Variants in TTC39C observed in about 807,000 individuals in gnomAD.
TTC39C encodes tetratricopeptide repeat protein 39C.
TTC39C carries 33 observed loss-of-function variants against 76.3 expected under a neutral mutation model. The ratio of observed to expected loss-of-function variants is 0.43; its 90% CI spans 0.33 to 0.58. TTC39C has a LOEUF of 0.58. Ranked by LOEUF, TTC39C falls within the 20% of genes least tolerant of loss-of-function variation. The pLI, the probability that TTC39C is intolerant of heterozygous loss-of-function variation, is 0.04. For missense variants in TTC39C, 595 were observed against 701.4 expected (o/e 0.85, Z 1.71); for synonymous variants, 254 against 260.6 (o/e 0.97, Z 0.24).
chr18:24,110,887 C>T (rs1164627365), intron 6 of TTC39C, among the ~76,000 whole-genome samples: 1 of 152,196 alleles, frequency 6.6e-6, no homozygotes, highest in African/African-American at 2.4e-5. Flanking sequence ...TTTTGTGACA[C>T]AGTGTGTCCA....
Position 24,114,093 on chromosome 18 carries a change from G to A in TTC39C, c.985-461G>A, listed in dbSNP as rs955857879. 3 of 265,606 alleles carry A rather than the reference G, an allele frequency of 1.1e-5. No individual in the cohort carries two copies. In the South Asian group the frequency reaches 1.3e-4, roughly 12 times the overall value. The allele number at this position is 265,606 out of a possible 1,614,324, so 16.5% of individuals were successfully genotyped here. On this transcript the variant is annotated intron_variant, in intron 6 of 13. Coordinates refer to ENST00000317571, the MANE Select transcript of TTC39C (RefSeq NM_001135993.2). ...AGAGACTTCTGGGCCAGGGCTGGGCGCACACGGGGATGAAATATGGTCCCT... is the reference window on the plus strand; with the variant it reads ...AGAGACTTCTGGGCCAGGGCTGGGCACACACGGGGATGAAATATGGTCCCT...
upstream of TTC39C, chr18:24,014,741 TCTCCCCTCCC>T (rs956931369): frequency 7.1e-6 from 8 of 1,132,748 alleles, no homozygotes; most frequent in African/African-American, 1.0e-4. Flanking sequence ...CCTCCCGTCT[TCTCCCCTCCC>T]CTCCCCTCCC....
At chr18:24,042,672 A>G (rs1395247471) in intron 1 of TTC39C, among the ~76,000 whole-genome samples, 1 of 152,198 alleles carries the variant, frequency 6.6e-6, no homozygotes, top group Non-Finnish European at 1.5e-5. Flanking sequence ...CTAGGGGTCA[A>G]TGATACTATA....
intron 1 of TTC39C, among the ~76,000 whole-genome samples, chr18:24,048,148 T>G (rs946241318): frequency 1.3e-5 from 2 of 152,212 alleles, no homozygotes; most frequent in African/African-American, 4.8e-5. Flanking sequence ...GTATGATTTT[T>G]GTGGTCTAAT....
At chr18:24,020,316 C>G (rs1162867170) in intron 1 of TTC39C, 2 of 991,350 alleles carry the variant, frequency 2.0e-6, no homozygotes, top group Admixed American at 1.2e-4. Context: ...TTTAAAATGC[C>G]ACTGCCTGTA....
chr18:24,019,991 C>A lies in TTC39C; in HGVS notation c.167+4953C>A, dbSNP rs896399579. The A allele has an allele frequency of 6.2e-6, 9 of 1,452,560 alleles. No homozygotes were observed. In the Admixed American group the frequency reaches 1.6e-4, roughly 25 times the overall value. 90.0% of individuals were successfully genotyped at this position (1,452,560 alleles called of 1,614,324 possible). On this transcript the variant is annotated intron_variant, in intron 1 of 13. Transcript: ENST00000317571. Reference sequence around the variant, plus strand: ...AAACCATGTCAGATTCTTGGGAGGACTGGAAGGACTTGCAGGCTGTCCATG... The same window carrying A: ...AAACCATGTCAGATTCTTGGGAGGAATGGAAGGACTTGCAGGCTGTCCATG...
At chr18:24,014,651 G>A, upstream of TTC39C, 1 of 556,562 alleles carries the variant, frequency 1.8e-6, no homozygotes, top group Non-Finnish European at 2.5e-6. Flanking sequence ...AATCCCCGCG[G>A]CGGCGGCCGG....
chr18:24,073,474 A>G (rs2084265723), intron 4 of TTC39C, among the ~76,000 whole-genome samples: 1 of 151,870 alleles, frequency 6.6e-6, no homozygotes, highest in Non-Finnish European at 1.5e-5. Context: ...TGCTTAATCA[A>G]GTGCAACCCA....
chr18:24,044,963 A>G (rs896733240), intron 1 of TTC39C, among the ~76,000 whole-genome samples: 1 of 151,920 alleles, frequency 6.6e-6, no homozygotes, highest in Non-Finnish European at 1.5e-5. Context: ...CCATTTAGGC[A>G]CTTGTTAGAA....
chr18:24,075,557 G>A (rs962478223), intron 4 of TTC39C, among the ~76,000 whole-genome samples: 9 of 151,828 alleles, frequency 5.9e-5, no homozygotes, highest in African/African-American at 2.2e-4. Context: ...GGTGGCGTGT[G>A]CCTGTAGTCC....
chr18:24,028,859 A>G (rs1915022610), intron 1 of TTC39C, among the ~76,000 whole-genome samples: 1 of 151,232 alleles, frequency 6.6e-6, no homozygotes, highest in Non-Finnish European at 1.5e-5. Flanking sequence ...AGTAGCTGGG[A>G]CTACAGGCAC....
intron 5 of TTC39C, among the ~76,000 whole-genome samples, chr18:24,082,015 GT>G (rs35218868): frequency 0.068 from 8,168 of 120,716 alleles, 167 homozygotes; most frequent in East Asian, 0.13. Context: ...TCTGGCTGTT[GT>G]TTTTTTTTTT....
chr18:24,028,353 TG>T (rs1485178848), intron 1 of TTC39C, among the ~76,000 whole-genome samples: 3 of 152,130 alleles, frequency 2.0e-5, no homozygotes, highest in Admixed American at 2.0e-4. Flanking sequence ...GGATCTGGGC[TG>T]GGCTTATAAG....
chr18:24,100,695 C>G (rs930603585), intron 6 of TTC39C, among the ~76,000 whole-genome samples: 2 of 152,260 alleles, frequency 1.3e-5, no homozygotes, highest in African/African-American at 4.8e-5. Flanking sequence ...TGGTTTCTAG[C>G]TTTGGCTCTG....
chr18:24,129,922 G>C (rs898335837), intron 11 of TTC39C, among the ~76,000 whole-genome samples: 1 of 152,058 alleles, frequency 6.6e-6, no homozygotes, highest in East Asian at 1.9e-4. Flanking sequence ...TAGATCAAAT[G>C]CTTATGTGCT....
At chr18:24,077,539 T>G (rs1437021378) in intron 4 of TTC39C, among the ~76,000 whole-genome samples, 1 of 152,194 alleles carries the variant, frequency 6.6e-6, no homozygotes, top group Non-Finnish European at 1.5e-5. Context: ...ATTTTTTCCT[T>G]TGTTTATTTT....
At position 24,035,308 on chromosome 18, in the gene TTC39C, G is replaced by A. The variant is rs191235519; in HGVS notation, c.167+20270G>A. Among the ~76,000 whole-genome samples, 5 of 152,288 alleles carry A rather than the reference G, an allele frequency of 3.3e-5. No homozygotes were observed. The East Asian group carries it at 5.8e-4, about 18-fold the overall frequency. On this transcript the variant is annotated intron_variant, in intron 1 of 13. Coordinates refer to ENST00000317571, the MANE Select transcript of TTC39C (RefSeq NM_001135993.2). ...CCACCTTGGCCTTCCAAAACACTGC[G>A]ATTACAAATGTGAGCCACTGTGCCC... is the stretch of plus-strand genomic sequence containing the variant.
At position 24,080,908 on chromosome 18, in the gene TTC39C, G is replaced by A. The variant is rs762192075; in HGVS notation, c.784G>A (p.Glu262Lys). 12 of 1,613,730 alleles carry A rather than the reference G, an allele frequency of 7.4e-6. No individual in the cohort carries two copies. In the Admixed American group the frequency reaches 1.0e-4, roughly 13 times the overall value. The part of the protein sequence containing the change: ...QGLSSLMYAS[E>K]SKDMKAPLAT... Reference sequence around the variant, plus strand: ...GCTTTCTTCACTGATGTATGCAAGCGAAAGTAAGGACATGAAGGCCCCTTT... The same window carrying A: ...GCTTTCTTCACTGATGTATGCAAGCAAAAGTAAGGACATGAAGGCCCCTTT... Residue 262 changes from glutamate to lysine, a missense_variant, in exon 5 of 14, where the codon GAA becomes AAA. By Grantham distance (56) the Glu-to-Lys change is moderately conservative (BLOSUM62 1). Coordinates refer to ENST00000317571, the MANE Select transcript of TTC39C (RefSeq NM_001135993.2).
chr18:24,107,895 G>GGGT (rs144470637), intron 6 of TTC39C, among the ~76,000 whole-genome samples: 2 of 151,186 alleles, frequency 1.3e-5, no homozygotes, highest in Non-Finnish European at 3.0e-5. Context: ...AGTAGGGGGG[G>GGGT]GGGTACAGGC....
Sources: allele counts gnomAD v4.1 joint callset (sites outside exome capture counted in the v4.1 genomes callset), GRCh38; gene constraint gnomAD v4.1.1; transcripts MANE v1.5; gene names NCBI Gene and HGNC (gene_info 2026-07-23, HGNC 2026-07-21).